Variants in CORO7 observed in about 807,000 individuals in gnomAD.
The protein encoded by CORO7 is coronin-7.
In CORO7, 107 loss-of-function variants were observed where a neutral mutation model predicts 126.6. The observed-to-expected ratio is 0.85, with a 90% CI of 0.72 to 0.99. The LOEUF is 0.99. CORO7 is among the 50% of genes least tolerant of loss of function. CORO7 has a pLI of 0.00. For missense variants in CORO7, 1,314 were observed against 1,255.8 expected (o/e 1.05, Z -0.70); for synonymous variants, 603 against 536.8 (o/e 1.12, Z -1.70).
At chr16:4,364,206 C>A in intron 14 of CORO7, 70 bp downstream of exon 14, 3 of 1,423,298 alleles carry the variant, frequency 2.1e-6, no homozygotes, top group South Asian at 1.6e-5. Context: ...AAAGGCCGTT[C>A]AGCCGGTGAA....
chr16:4,385,570 G>T (rs781497656), intron 9 of CORO7, among the ~76,000 whole-genome samples: 4 of 152,128 alleles, frequency 2.6e-5, no homozygotes, highest in African/African-American at 9.7e-5. Context: ...AGTCCCTCTC[G>T]TTATCCCCCC....
intron 9 of CORO7, among the ~76,000 whole-genome samples, chr16:4,367,034 C>A (rs750120508): frequency 1.3e-5 from 2 of 152,196 alleles, no homozygotes; most frequent in Non-Finnish European, 2.9e-5. Context: ...CTCCTGCCAG[C>A]CGACCACTAA....
At chr16:4,377,492 C>G (rs2054783794) in intron 9 of CORO7, among the ~76,000 whole-genome samples, 1 of 152,176 alleles carries the variant, frequency 6.6e-6, no homozygotes, top group Non-Finnish European at 1.5e-5. Context: ...CATTTGAAAA[C>G]AAACAGAACA....
At chr16:4,359,723 G>T (rs2054097905) in intron 21 of CORO7, 102 bp from the exon 22 acceptor site, 2 of 1,435,896 alleles carry the variant, frequency 1.4e-6, no homozygotes, top group Admixed American at 5.2e-5. Context: ...TGGGTTGTAG[G>T]CGAGGCCTAG....
intron 9 of CORO7, chr16:4,382,032 G>A (rs367946777): frequency 1.1e-4 from 176 of 1,596,086 alleles, no homozygotes; most frequent in South Asian, 1.3e-4. Context: ...CCACAGAGCC[G>A]GCCACTGAGG....
intron 6 of CORO7, among the ~76,000 whole-genome samples, chr16:4,404,003 G>T (rs1458311037): frequency 6.6e-6 from 1 of 152,112 alleles, no homozygotes; most frequent in Non-Finnish European, 1.5e-5. Flanking sequence ...CTCCCTGGGG[G>T]CCTTATTGGC....
At chr16:4,386,112 C>A (rs2055184689) in intron 9 of CORO7, among the ~76,000 whole-genome samples, 1 of 152,190 alleles carries the variant, frequency 6.6e-6, no homozygotes, top group Non-Finnish European at 1.5e-5. Flanking sequence ...TCCTTGGCAT[C>A]CACCAGCTTC....
chr16:4,381,292 A>C, intron 9 of CORO7: 1 of 1,612,436 alleles, frequency 6.2e-7, no homozygotes, highest in Non-Finnish European at 8.5e-7. Flanking sequence ...CATCCGCCAC[A>C]TCCAGCCTGG....
At chr16:4,383,322 G>C (rs1165413837) in intron 9 of CORO7, 1 of 201,146 alleles carries the variant, frequency 5.0e-6, no homozygotes, top group African/African-American at 2.3e-5. Flanking sequence ...TTGGCCCCAG[G>C]AAGCGAAGGA....
chr16:4,361,075 C>A lies in CORO7; in HGVS notation c.1785G>T (p.Glu595Asp). The change falls in exon 19 of 28, where the codon GAG becomes GAT. Residue 595 changes from glutamate to aspartate, a missense_variant. Transcript: ENST00000251166. ...GGTGGAAGCGCAGGGAGCAGATCTT[C>A]TCCGTGTGGCCTGGAGGAAGGCAGG... is the stretch of plus-strand genomic sequence containing the variant. ...TPETVLTGHT[E>D]KICSLRFHPL... 1 of 1,613,418 alleles carries A rather than the reference C, an allele frequency of 6.2e-7. No homozygotes were observed. The highest frequency in any genetic ancestry group is 8.5e-7 in the Non-Finnish European group (1 of 1,180,002).
At chr16:4,377,258 C>T (rs917859193) in intron 9 of CORO7, among the ~76,000 whole-genome samples, 1 of 151,532 alleles carries the variant, frequency 6.6e-6, no homozygotes, top group South Asian at 2.1e-4. Flanking sequence ...GGGCTGCCTC[C>T]GGAACACCTC....
At chr16:4,387,200 C>T (rs2055222147) in intron 9 of CORO7, among the ~76,000 whole-genome samples, 1 of 152,130 alleles carries the variant, frequency 6.6e-6, no homozygotes, top group Non-Finnish European at 1.5e-5. Context: ...TCAGTCTCCC[C>T]AGCTGTGTTG....
intron 10 of CORO7, 52 bp from the exon 11 acceptor site, chr16:4,365,112 G>A (rs2054308616): frequency 6.4e-7 from 1 of 1,556,252 alleles, no homozygotes; most frequent in South Asian, 1.2e-5. Flanking sequence ...CCTGGGGAGG[G>A]CCCAGGACTG....
At chr16:4,372,890 G>A (rs551299105) in intron 9 of CORO7, among the ~76,000 whole-genome samples, 93 of 152,176 alleles carry the variant, frequency 6.1e-4, no homozygotes, top group Non-Finnish European at 1.1e-3. Flanking sequence ...TTTGCACCAA[G>A]GACAGGTGAG....
intron 9 of CORO7, among the ~76,000 whole-genome samples, chr16:4,379,452 C>A (rs2054873211): frequency 1.3e-5 from 2 of 151,988 alleles, no homozygotes; most frequent in African/African-American, 4.8e-5. Flanking sequence ...TGGGAGCCCC[C>A]GCCCCCAGGG....
At chr16:4,414,127 G>C (rs889551622) in intron 1 of CORO7, among the ~76,000 whole-genome samples, 1 of 150,110 alleles carries the variant, frequency 6.7e-6, no homozygotes, top group African/African-American at 2.5e-5. Context: ...GGAGGCGGAA[G>C]TTGCAGTGAG....
In CORO7 at chr16:4,361,962, C is replaced by A. The variant is rs550746512; in HGVS notation, c.1578+23G>T. 164 of 1,585,122 alleles carry A rather than the reference C, an allele frequency of 1.0e-4. 1 individual carries two copies. The highest frequency in any genetic ancestry group is 8.4e-4 in the South Asian group (74 of 88,098). ...CCACAGGCAGGGAACTGAGGGGCAG[C>A]CCTGGTGGGGTGGGGCCCTCACCTC... is the stretch of plus-strand genomic sequence containing the variant. On this transcript the variant is annotated intron_variant, in intron 16 of 27. Coordinates refer to ENST00000251166, the MANE Select transcript of CORO7 (RefSeq NM_024535.5).
chr16:4,364,044 G>A (rs1167614090), intron 14 of CORO7, among the ~76,000 whole-genome samples: 1 of 152,034 alleles, frequency 6.6e-6, no homozygotes, highest in Non-Finnish European at 1.5e-5. Context: ...AATATAGTCG[G>A]CCATGGTGGC....
At chr16:4,361,571 A>T (rs2054181811) in intron 16 of CORO7, 102 bp from the exon 17 acceptor site, 5 of 1,356,900 alleles carry the variant, frequency 3.7e-6, no homozygotes, top group Non-Finnish European at 5.1e-6. Context: ...CACCCTCTGC[A>T]GCAGAGGCTC....
Sources: gnomAD v4.1 joint callset for allele counts (sites outside exome capture counted in the v4.1 genomes callset) on GRCh38, gnomAD v4.1.1 for gene constraint, MANE v1.5 for transcripts, NCBI Gene and HGNC (gene_info 2026-07-23, HGNC 2026-07-21) for gene names.